CCT3: variants seen among roughly 807,000 people sequenced by gnomAD.
The protein encoded by CCT3 is chaperonin containing TCP1 subunit 3.
A neutral mutation model predicts 65.3 loss-of-function variants in CCT3; 10 were observed. The observed-to-expected ratio is 0.15, with a 90% CI of 0.09 to 0.26. The LOEUF (loss-of-function observed/expected upper bound fraction) is 0.26, where lower values mean the gene tolerates loss of function less well. Ranked by LOEUF, CCT3 falls within the 10% of genes least tolerant of loss-of-function variation. The pLI, the probability that CCT3 is intolerant of heterozygous loss-of-function variation, is 1.00. For missense variants in CCT3, 626 were observed against 708.7 expected (o/e 0.88, Z 1.33); for synonymous variants, 225 against 242.3 (o/e 0.93, Z 0.66).
Position 156,327,472 on chromosome 1 carries a change from T to C in CCT3, c.305-2383A>G, listed in dbSNP as rs377128460. Among the ~76,000 whole-genome samples the C allele has an allele frequency of 2.5e-3, 377 of 152,250 alleles. 14 individuals carry two copies. The East Asian group carries it at 0.057, about 23-fold the overall frequency. On this transcript the variant is annotated intron_variant, in intron 5 of 13. Coordinates refer to ENST00000295688, the MANE Select transcript of CCT3 (RefSeq NM_005998.5). ...CGCCTGACTGGTTTTCGTATTTTTT[T>C]GGTGGAGACGGGGTTTCGCTGTGTT...
chr1:156,310,097 T>C (rs1664017081), intron 13 of CCT3, among the ~76,000 whole-genome samples: 1 of 148,786 alleles, frequency 6.7e-6, no homozygotes, highest in Non-Finnish European at 1.5e-5. Flanking sequence ...ATACAGATTG[T>C]GCTATATTAT....
chr1:156,310,582 C>A lies in CCT3; in HGVS notation c.1509G>T (p.Leu503=), dbSNP rs760251758. Residue 503 remains leucine, a synonymous_variant, in exon 13 of 14, where the codon CTG becomes CTT. Transcript: ENST00000295688. The part of the protein sequence containing the change: ...LGIWEPLAVK[L]QTYKTAVETA... ...CCTCCACTGCTGTCTTATAAGTCTG[C>A]AGCTTCACAGCCAATGGCTCCCATA... The A allele has an allele frequency of 3.9e-5, 63 of 1,613,450 alleles. No homozygotes were observed. The South Asian group carries it at 6.7e-4, about 17-fold the overall frequency.
At chr1:156,310,037 CAAAAAAAAAAAA>C (rs71080758) in intron 13 of CCT3, among the ~76,000 whole-genome samples, 2 of 76,494 alleles carry the variant, frequency 2.6e-5, no homozygotes, top group East Asian at 4.1e-4. Context: ...TAGTCTGTTT[CAAAAAAAAAAAA>C]AAAAAAAAAA....
At chr1:156,326,649 C>CAAAAAAAAA (rs760908966) in intron 5 of CCT3, among the ~76,000 whole-genome samples, 6 of 65,594 alleles carry the variant, frequency 9.1e-5, no homozygotes, top group African/African-American at 1.3e-4. Flanking sequence ...GACTCCATCT[C>CAAAAAAAAA]AAAAAAAAAA....
At chr1:156,335,195 C>T (rs916724367) in intron 2 of CCT3, 26 of 381,772 alleles carry the variant, frequency 6.8e-5, no homozygotes, top group African/African-American at 5.2e-4. Flanking sequence ...TAATGACACC[C>T]CTAAAGCATG....
intron 5 of CCT3, among the ~76,000 whole-genome samples, chr1:156,325,667 T>A (rs933534305): frequency 1.3e-5 from 2 of 150,362 alleles, no homozygotes; most frequent in Non-Finnish European, 2.9e-5. Flanking sequence ...AACCTCCGCC[T>A]CCCAGATTCA....
At chr1:156,313,651 G>T (rs977874307) in intron 10 of CCT3, among the ~76,000 whole-genome samples, 1 of 152,182 alleles carries the variant, frequency 6.6e-6, no homozygotes, top group Non-Finnish European at 1.5e-5. Context: ...TTCCAGAAAG[G>T]GACTGCCTTT....
In CCT3 at chr1:156,318,761, C is replaced by T. The variant is rs537557405; in HGVS notation, c.759+107G>A. The stretch of plus-strand genomic sequence containing the variant: ...AAGGATTGTTCTAAGAGTCAGTGTA[C>T]ACTATGCACCCAGAAGGCATGCAAT... On this transcript the variant is annotated intron_variant, in intron 8 of 13. Transcript: ENST00000295688. The T allele has an allele frequency of 7.4e-5, 76 of 1,029,046 alleles. No homozygotes were observed. In the African/African-American group the frequency reaches 1.1e-3, roughly 14 times the overall value. 63.7% of individuals were successfully genotyped at this position (1,029,046 alleles called of 1,614,324 possible). A position where few individuals can be genotyped will look rare whatever the true frequency, so the allele number is the denominator to read the frequency against.
chr1:156,332,406 A>C (rs184753851), intron 5 of CCT3, among the ~76,000 whole-genome samples: 35 of 152,326 alleles, frequency 2.3e-4, no homozygotes, highest in Non-Finnish European at 3.8e-4. Context: ...AGATTTGAAA[A>C]ATAATTCTTT....
intron 5 of CCT3, among the ~76,000 whole-genome samples, chr1:156,329,201 G>GT (rs1664996754): frequency 2.0e-5 from 3 of 151,740 alleles, no homozygotes; most frequent in Admixed American, 2.0e-4. Flanking sequence ...CAGCCTAAGT[G>GT]TATAGTAGGC....
In CCT3 at chr1:156,312,080, G is replaced by A. The variant is rs766437518; in HGVS notation, c.1116C>T (p.Cys372=). The change falls in exon 11 of 14, where the codon TGC becomes TGT. Residue 372 remains cysteine, a synonymous_variant. Coordinates refer to ENST00000295688, the MANE Select transcript of CCT3 (RefSeq NM_005998.5). ...TGCTAGCCCCCCGGAGGAGAATGGT[G>A]CAGGCCTTGGGGTCTTTGCAGTCAG... is the stretch of plus-strand genomic sequence containing the variant. ...FITDCKDPKA[C]TILLRGASKE... The A allele has an allele frequency of 2.0e-5, 33 of 1,613,066 alleles. No homozygotes were observed. The highest frequency in any genetic ancestry group is 1.5e-4 in the Admixed American group (9 of 59,856).
At chr1:156,328,198 T>G (rs1160285368) in intron 5 of CCT3, among the ~76,000 whole-genome samples, 9 of 98,886 alleles carry the variant, frequency 9.1e-5, no homozygotes, top group Admixed American at 2.1e-4. Flanking sequence ...GGGAGGGAGG[T>G]GGGGGGGGTC....
intron 4 of CCT3, among the ~76,000 whole-genome samples, chr1:156,334,018 G>A (rs879708533): frequency 3.9e-5 from 6 of 152,030 alleles, no homozygotes; most frequent in Non-Finnish European, 5.9e-5. Flanking sequence ...CAGGTGGATC[G>A]CCTGAGGTCA....
chr1:156,316,013 G>A (rs999882189), intron 10 of CCT3, among the ~76,000 whole-genome samples: 2 of 151,880 alleles, frequency 1.3e-5, no homozygotes, highest in Non-Finnish European at 2.9e-5. Flanking sequence ...GGTCAAGCAA[G>A]GAGGAAGGCG....
At chr1:156,328,638 T>C (rs1664966322) in intron 5 of CCT3, among the ~76,000 whole-genome samples, 1 of 151,894 alleles carries the variant, frequency 6.6e-6, no homozygotes, top group Non-Finnish European at 1.5e-5. Context: ...TGTGCTTTGT[T>C]AAACAGATGC....
At chr1:156,337,825 G>A in intron 1 of CCT3, 1 of 413,008 alleles carries the variant, frequency 2.4e-6, no homozygotes, top group Non-Finnish European at 4.4e-6. Context: ...TATTCGTGCA[G>A]CTACATAGCG....
At chr1:156,337,298 C>G in intron 1 of CCT3, 1 of 299,262 alleles carries the variant, frequency 3.3e-6, no homozygotes, top group Non-Finnish European at 6.5e-6. Flanking sequence ...CTCCCAGCTA[C>G]TCGGGAGGCT....
At chr1:156,334,982 G>C (rs1481937444) in intron 2 of CCT3, 64 bp from the exon 3 acceptor site, 1 of 1,438,518 alleles carries the variant, frequency 7.0e-7, no homozygotes. Context: ...AAATGTTGGA[G>C]TAATAGGGAA....
In CCT3 at chr1:156,319,033, C is replaced by T. The variant is rs1570920108; in HGVS notation, c.610-16G>A. The T allele has an allele frequency of 1.9e-6, 3 of 1,581,644 alleles. No homozygotes were observed. The highest frequency in any genetic ancestry group is 2.3e-5 in the South Asian group (2 of 86,960). On this transcript the variant is annotated splice_polypyrimidine_tract_variant and intron_variant, in intron 7 of 13. Coordinates refer to ENST00000295688, the MANE Select transcript of CCT3 (RefSeq NM_005998.5). The stretch of plus-strand genomic sequence containing the variant: ...CTCCAGGTATCTGAACAAAAGACAA[C>T]TGCACTTTAATCCACAATCAAGAGA...
Sources: gnomAD v4.1 joint callset for allele counts (sites outside exome capture counted in the v4.1 genomes callset) on GRCh38, gnomAD v4.1.1 for gene constraint, MANE v1.5 for transcripts, NCBI Gene and HGNC (gene_info 2026-07-23, HGNC 2026-07-21) for gene names.